The following CDH2 variants were observed in gnomAD, a reference collection of about 807,000 sequenced individuals.
CDH2 encodes cadherin-2.
In CDH2, 17 loss-of-function variants were observed where a neutral mutation model predicts 92.0. The observed-to-expected ratio is 0.18, with a 90% CI of 0.13 to 0.28. The LOEUF (loss-of-function observed/expected upper bound fraction) is 0.28, where lower values mean the gene tolerates loss of function less well. Ranked by LOEUF, CDH2 falls within the 10% of genes least tolerant of loss-of-function variation. The pLI, the probability that CDH2 is intolerant of heterozygous loss-of-function variation, is 1.00. For synonymous variants in CDH2, 419 were observed against 415.9 expected (o/e 1.01, Z -0.09); for missense variants, 862 against 1,133.1 (o/e 0.76, Z 3.44).
At chr18:28,099,112 A>C (rs1004288550) in intron 2 of CDH2, among the ~76,000 whole-genome samples, 2 of 152,208 alleles carry the variant, frequency 1.3e-5, no homozygotes, top group Non-Finnish European at 2.9e-5. Flanking sequence ...AATTACTTAT[A>C]AAAATGACAT....
intron 2 of CDH2, among the ~76,000 whole-genome samples, chr18:28,111,167 T>C (rs2015406040): frequency 6.6e-6 from 1 of 152,182 alleles, no homozygotes. Context: ...AATCAAATGC[T>C]GCCAGGGAAG....
At chr18:28,041,110 T>C (rs932456619) in intron 2 of CDH2, among the ~76,000 whole-genome samples, 2 of 152,118 alleles carry the variant, frequency 1.3e-5, no homozygotes, top group Non-Finnish European at 2.9e-5. Context: ...TGAGTATACA[T>C]TGAGAGAAAA....
intron 5 of CDH2, among the ~76,000 whole-genome samples, chr18:28,008,609 G>A (rs530381580): frequency 6.6e-6 from 1 of 152,198 alleles, no homozygotes; most frequent in East Asian, 1.9e-4. Flanking sequence ...GTGGGATGAG[G>A]GGGGAAGGAT....
chr18:28,147,279 A>C (rs2016050209), intron 2 of CDH2, among the ~76,000 whole-genome samples: 1 of 152,090 alleles, frequency 6.6e-6, no homozygotes, highest in Non-Finnish European at 1.5e-5. Flanking sequence ...ATATTATAAT[A>C]ATTTCCTTTC....
At chr18:27,946,601 T>A (rs1909273320), downstream of CDH2, among the ~76,000 whole-genome samples, 1 of 152,032 alleles carries the variant, frequency 6.6e-6, no homozygotes, top group Admixed American at 6.6e-5. Flanking sequence ...TTCATTGTGA[T>A]GTATATAATC....
rs1292435866 is a variant in CDH2 at position 28,103,408 on chromosome 18, GTATA to G, written c.172+44261_172+44264del. Among the ~76,000 whole-genome samples, 11 of 142,478 alleles carry G rather than the reference GTATA, an allele frequency of 7.7e-5. No individual in the cohort carries two copies. In the South Asian group the frequency reaches 8.7e-4, roughly 11 times the overall value. The allele number at this position is 142,478 out of a possible 152,430, so 93.5% of individuals were successfully genotyped here. A position where few individuals can be genotyped will look rare whatever the true frequency, so the allele number is the denominator to read the frequency against. On this transcript the variant is annotated intron_variant, in intron 2 of 15. Coordinates refer to ENST00000269141, the MANE Select transcript of CDH2 (RefSeq NM_001792.5). ...TATAAAGTACATATATATAAAGTAT[GTATA>G]TATATAAAGTATACATATATGAAGT...
intron 2 of CDH2, among the ~76,000 whole-genome samples, chr18:28,067,395 C>G (rs1236596767): frequency 6.6e-6 from 1 of 152,108 alleles, no homozygotes; most frequent in African/African-American, 2.4e-5. Context: ...AATCCCAATC[C>G]CCTACCACCC....
chr18:28,041,752 C>T (rs2013952348), intron 2 of CDH2, among the ~76,000 whole-genome samples: 1 of 152,116 alleles, frequency 6.6e-6, no homozygotes, highest in Non-Finnish European at 1.5e-5. Flanking sequence ...TATGTTCTAC[C>T]TAAGTGCTGC....
intron 5 of CDH2, among the ~76,000 whole-genome samples, chr18:28,009,472 A>G (rs1019545507): frequency 2.0e-5 from 3 of 152,226 alleles, no homozygotes; most frequent in Non-Finnish European, 4.4e-5. Flanking sequence ...ATATGTAAAG[A>G]GTAATGAGAT....
chr18:28,020,511 C>G (rs2144055449), intron 2 of CDH2, among the ~76,000 whole-genome samples: 1 of 152,000 alleles, frequency 6.6e-6, no homozygotes, highest in Non-Finnish European at 1.5e-5. Flanking sequence ...ATACATAGTC[C>G]ACTGGAGCCA....
At chr18:27,960,019 AACACACACACACACACAC>A (rs5823570) in intron 15 of CDH2, among the ~76,000 whole-genome samples, 1 of 149,502 alleles carries the variant, frequency 6.7e-6, no homozygotes, top group Admixed American at 6.7e-5. Context: ...TGTCTCTTAA[AACACACACACACACACAC>A]ACACACACAC....
intron 2 of CDH2, among the ~76,000 whole-genome samples, chr18:28,093,012 C>T (rs1287040257): frequency 6.6e-6 from 1 of 151,660 alleles, no homozygotes; most frequent in Admixed American, 6.6e-5. Context: ...TCTGTCCCTC[C>T]GAAGGACTTA....
intron 2 of CDH2, among the ~76,000 whole-genome samples, chr18:28,081,323 C>T (rs1323727608): frequency 6.6e-6 from 1 of 152,210 alleles, no homozygotes; most frequent in Non-Finnish European, 1.5e-5. Context: ...ATCATATACA[C>T]TGAAGCACTT....
intron 1 of CDH2, among the ~76,000 whole-genome samples, chr18:28,169,590 T>G (rs553320086): frequency 2.6e-5 from 4 of 152,306 alleles, no homozygotes; most frequent in South Asian, 4.1e-4. Context: ...CCAATTAATG[T>G]TTTTAATTAC....
chr18:28,129,902 G>A (rs574616132), intron 2 of CDH2, among the ~76,000 whole-genome samples: 1 of 152,164 alleles, frequency 6.6e-6, no homozygotes, highest in Admixed American at 6.5e-5. Flanking sequence ...TCATTTTTAG[G>A]ACATCTAGAA....
chr18:27,938,470 C>G (rs1430464372), intron 6 of CDH2, among the ~76,000 whole-genome samples: 1 of 152,086 alleles, frequency 6.6e-6, no homozygotes, highest in East Asian at 1.9e-4. Flanking sequence ...TAATTCTTAT[C>G]TCTGACATCA....
At chr18:28,149,277 C>A (rs1483876874) in intron 1 of CDH2, among the ~76,000 whole-genome samples, 3 of 152,014 alleles carry the variant, frequency 2.0e-5, no homozygotes, top group Non-Finnish European at 4.4e-5. Flanking sequence ...CTGTACATGT[C>A]CATCAAAAGG....
At chr18:28,062,699 C>G (rs1259723773) in intron 2 of CDH2, among the ~76,000 whole-genome samples, 2 of 152,168 alleles carry the variant, frequency 1.3e-5, no homozygotes, top group Admixed American at 1.3e-4. Flanking sequence ...CCAGGCTAGG[C>G]GTGGTGGCTC....
chr18:28,036,648 C>T lies in CDH2; in HGVS notation c.173-22739G>A, dbSNP rs183610104. 1,088 of 804,936 alleles carry T rather than the reference C, an allele frequency of 1.4e-3. 2 individuals carry two copies. The highest frequency in any genetic ancestry group is 1.7e-3 in the Non-Finnish European group (840 of 488,564). 49.9% of individuals were successfully genotyped at this position (804,936 alleles called of 1,614,324 possible). A position where few individuals can be genotyped will look rare whatever the true frequency, so the allele number is the denominator to read the frequency against. On this transcript the variant is annotated intron_variant, in intron 2 of 15. Transcript: ENST00000269141. ...CAGGGATAAAGTTCTTTTGAGCTGA[C>T]GGAAATGCCGATGCAGCTTTTTATA...
Sources: gnomAD v4.1 joint callset for allele counts (sites outside exome capture counted in the v4.1 genomes callset) on GRCh38, gnomAD v4.1.1 for gene constraint, MANE v1.5 for transcripts, NCBI Gene and HGNC (gene_info 2026-07-23, HGNC 2026-07-21) for gene names.